E2F3: variants seen among roughly 807,000 people sequenced by gnomAD.
E2F3 encodes the protein E2F transcription factor 3.
E2F3 carries 11 observed loss-of-function variants against 44.4 expected under a neutral mutation model. That is an observed-to-expected ratio of 0.25 (90% CI 0.16 to 0.41). E2F3 has a LOEUF of 0.41. Ranked by LOEUF, E2F3 falls within the 10% of genes least tolerant of loss-of-function variation. The pLI is 1.00. For synonymous variants in E2F3, 249 were observed against 253.0 expected (o/e 0.98, Z 0.15); for missense variants, 487 against 583.6 (o/e 0.83, Z 1.70).
chr6:20,482,905 A>T lies in E2F3; in HGVS notation c.869A>T (p.Asp290Val), dbSNP rs1313325767. Reference protein sequence around the residue: ...CTLDLKLLTEDSENQRLAYVT... With the variant: ...CTLDLKLLTEVSENQRLAYVT... The stretch of plus-strand genomic sequence containing the variant: ...CTGGACCTCAAACTGTTAACCGAGG[A>T]TTCAGAGAATCAAAGATATCCTTTG... The change falls in exon 4 of 7, where the codon GAT (aspartate) becomes GTT (valine). Residue 290 changes from aspartate (D) to valine (V), a missense_variant. Around this residue, in one of 3 missense-constraint regions of E2F3, gnomAD observed 220 missense variants for 261.7 expected, o/e 0.84. Coordinates refer to ENST00000346618, the MANE Select transcript of E2F3 (RefSeq NM_001949.5). 6.2e-7 allele frequency: 1 copy of T among 1,613,686 alleles called. No individual in the cohort carries two copies. Among genetic ancestry groups the T allele is most frequent in the Admixed American group, 1.7e-5 (1 of 59,996 alleles).
At chr6:20,447,348 G>GAA (rs1224813804) in intron 1 of E2F3, among the ~76,000 whole-genome samples, 1 of 151,960 alleles carries the variant, frequency 6.6e-6, no homozygotes, top group Non-Finnish European at 1.5e-5. Context: ...ATGAGAGAGA[G>GAA]AGAGAGAGAA....
At chr6:20,432,875 C>T (rs893194775) in intron 1 of E2F3, among the ~76,000 whole-genome samples, 1 of 152,214 alleles carries the variant, frequency 6.6e-6, no homozygotes, top group African/African-American at 2.4e-5. Context: ...GGCCTTTGCA[C>T]TTGCTGTCCC....
rs140602907 is a variant in E2F3 at position 20,475,083 on chromosome 6, G to A, written c.394-4763G>A. On this transcript the variant is annotated intron_variant, in intron 1 of 6. Coordinates refer to ENST00000346618, the MANE Select transcript of E2F3 (RefSeq NM_001949.5). Reference sequence around the variant, plus strand: ...TCTTCACACCTCACTTATTTCTGGCGTGGCTTTTGGACCTAGTGATTGATT... The same window carrying A: ...TCTTCACACCTCACTTATTTCTGGCATGGCTTTTGGACCTAGTGATTGATT... Among the ~76,000 whole-genome samples the A allele has an allele frequency of 2.5e-3, 381 of 152,342 alleles. 2 individuals are homozygous for A. Among genetic ancestry groups the A allele is most frequent in the Non-Finnish European group, 4.1e-3 (281 of 68,036 alleles).
intron 1 of E2F3, among the ~76,000 whole-genome samples, chr6:20,409,897 A>G (rs1191345727): frequency 2.7e-5 from 4 of 147,592 alleles, no homozygotes; most frequent in African/African-American, 1.0e-4. Flanking sequence ...GATACGGTCT[A>G]ACAGCCAGTG....
rs1463567226 is a variant in E2F3 at position 20,488,325 on chromosome 6, A to G, written c.1135+77A>G. 9 of 1,473,072 alleles carry G rather than the reference A, an allele frequency of 6.1e-6. No homozygotes were observed. In the East Asian group the frequency reaches 1.2e-4, roughly 19 times the overall value. The allele number at this position is 1,473,072 out of a possible 1,614,324, so 91.3% of individuals were successfully genotyped here. A position where few individuals can be genotyped will look rare whatever the true frequency, so the allele number is the denominator to read the frequency against. On this transcript the variant is annotated intron_variant, in intron 6 of 6. Transcript: ENST00000346618. ...TAGAACCATCTGTATTGGAACCACA[A>G]GCCTAGGCAAGAAACACAAACTTCT... is the stretch of plus-strand genomic sequence containing the variant.
chr6:20,447,840 A>C lies in E2F3; in HGVS notation c.394-32006A>C, dbSNP rs978860441. ...ATTAAGCAACCAGGAGCTCCAGTTC[A>C]TGTGTGCTGGAAAAGATGTTTGCGA... On this transcript the variant is annotated intron_variant, in intron 1 of 6. Transcript: ENST00000346618. 7.2e-5 allele frequency among the ~76,000 whole-genome samples: 11 copies of C among 152,312 alleles called. 1 individual carries two copies. The highest frequency in any genetic ancestry group is 3.9e-4 in the East Asian group (2 of 5,184).
intron 5 of E2F3, among the ~76,000 whole-genome samples, chr6:20,487,861 T>C (rs935884251): frequency 2.0e-5 from 3 of 152,104 alleles, no homozygotes; most frequent in African/African-American, 7.2e-5. Flanking sequence ...TAATAAACAA[T>C]GGGAATGGAT....
intron 1 of E2F3, among the ~76,000 whole-genome samples, chr6:20,467,986 T>C (rs1033051181): frequency 6.6e-6 from 1 of 152,256 alleles, no homozygotes; most frequent in East Asian, 1.9e-4. Context: ...AAACATGAGC[T>C]AGGGATGTTC....
chr6:20,434,044 C>T (rs1401197360), intron 1 of E2F3, among the ~76,000 whole-genome samples: 1 of 152,178 alleles, frequency 6.6e-6, no homozygotes, highest in Non-Finnish European at 1.5e-5. Flanking sequence ...GTGATGCTCA[C>T]CTTATCAGGA....
intron 1 of E2F3, among the ~76,000 whole-genome samples, chr6:20,469,564 C>T (rs1399038674): frequency 1.3e-5 from 2 of 152,180 alleles, no homozygotes; most frequent in African/African-American, 4.8e-5. Flanking sequence ...GGTTAAATGG[C>T]TTTTATTCCA....
At position 20,462,859 on chromosome 6, in the gene E2F3, C is replaced by CT. The variant is rs780366667; in HGVS notation, c.394-16950dup. On this transcript the variant is annotated intron_variant, in intron 1 of 6. Coordinates refer to ENST00000346618, the MANE Select transcript of E2F3 (RefSeq NM_001949.5). ...TGTTTTGTTCTCTTTCTCTCTCTCT[C>CT]TTTTTTTTTTTTTTTTTTTTTTTTT... Among the ~76,000 whole-genome samples, 40 of 48,848 alleles carry CT rather than the reference C, an allele frequency of 8.2e-4. 5 individuals carry two copies. Among genetic ancestry groups the CT allele is most frequent in the Non-Finnish European group, 1.0e-3 (28 of 27,460 alleles). 32.0% of individuals were successfully genotyped at this position (48,848 alleles called of 152,430 possible). A position where few individuals can be genotyped will look rare whatever the true frequency, so the allele number is the denominator to read the frequency against.
chr6:20,439,879 A>G (rs1420427063), intron 1 of E2F3: 1 of 152,190 alleles, frequency 6.6e-6, no homozygotes, highest in African/African-American at 2.4e-5. Context: ...CATTTACCTG[A>G]CAGTCCTCAT....
rs1380320312 is a variant in E2F3, at chr6:20,492,253, A to G, written c.*1823A>G. On this transcript the variant is annotated 3_prime_UTR_variant, in exon 7 of 7. Coordinates refer to ENST00000346618, the MANE Select transcript of E2F3 (RefSeq NM_001949.5). ...TGGTGGGGTCAAGACAGATGACACC[A>G]GCACTTTAAACTCTTTGTGTGGGTA... 4.3e-6 allele frequency: 1 copy of G among 231,256 alleles called. No homozygotes were observed. Among genetic ancestry groups the G allele is most frequent in the Non-Finnish European group, 8.6e-6 (1 of 116,630 alleles). 14.3% of individuals were successfully genotyped at this position (231,256 alleles called of 1,614,324 possible).
intron 1 of E2F3, among the ~76,000 whole-genome samples, chr6:20,409,487 G>A (rs527361964): frequency 1.3e-5 from 2 of 152,134 alleles, no homozygotes; most frequent in Non-Finnish European, 2.9e-5. Flanking sequence ...AGACTTTCTT[G>A]GGGAGAAGGA....
At chr6:20,417,311 T>A (rs1247380304) in intron 1 of E2F3, among the ~76,000 whole-genome samples, 1 of 152,116 alleles carries the variant, frequency 6.6e-6, no homozygotes, top group Non-Finnish European at 1.5e-5. Context: ...GCTGGTACAG[T>A]CTTCCCCCCA....
intron 1 of E2F3, among the ~76,000 whole-genome samples, chr6:20,472,025 A>AAC (rs57925127): frequency 0.25 from 35,046 of 138,106 alleles, 4,495 homozygotes; most frequent in Non-Finnish European, 0.29. Context: ...CCCCCCCTCC[A>AAC]ACACACACAC....
chr6:20,424,151 A>G (rs1354572702), intron 1 of E2F3, among the ~76,000 whole-genome samples: 1 of 150,264 alleles, frequency 6.7e-6, no homozygotes, highest in African/African-American at 2.5e-5. Flanking sequence ...ACAATATTCT[A>G]TATATTTTTT....
In E2F3 at chr6:20,402,679, C is replaced by G; in HGVS notation, c.393+54C>G. The G allele has an allele frequency of 1.6e-6, 2 of 1,284,896 alleles. No individual in the cohort carries two copies. The allele number at this position is 1,284,896 out of a possible 1,614,324, so 79.6% of individuals were successfully genotyped here. ...GCCCCGGCGGGAGGTGGGCTCGCAC[C>G]GCGCGGGGTCGTGGGCGCGCTGCGG... On this transcript the variant is annotated intron_variant, in intron 1 of 6. Transcript: ENST00000346618. The surrounding 1 kb of genome is among the most constrained non-coding windows in gnomAD (Gnocchi z 5.6).
rs968915746 is a variant in E2F3, at chr6:20,402,889, GC to G, written c.393+271del. 6.6e-6 allele frequency among the ~76,000 whole-genome samples: 1 copy of G among 152,104 alleles called. No homozygotes were observed. The highest frequency in any genetic ancestry group is 1.5e-5 in the Non-Finnish European group (1 of 68,008). On this transcript the variant is annotated intron_variant, in intron 1 of 6. Transcript: ENST00000346618. This position sits in a 1 kb window ranked among gnomAD's most constrained non-coding sequence, Gnocchi z 5.6. ...ATCAAACACTCCAAAACTTTTCGCG[GC>G]CCCCCCTTCTTTTCCTGCACTTTTC...
Sources: allele counts gnomAD v4.1 joint callset (sites outside exome capture counted in the v4.1 genomes callset), GRCh38; gene constraint gnomAD v4.1.1; regional missense constraint gnomAD v4.1.1; non-coding constraint Gnocchi (gnomAD v3.1); transcripts MANE v1.5; gene names NCBI Gene and HGNC (gene_info 2026-07-23, HGNC 2026-07-21).